Variants in SNTA1 observed in about 807,000 individuals in gnomAD.
The protein encoded by SNTA1 is syntrophin alpha 1.
A neutral mutation model predicts 47.1 loss-of-function variants in SNTA1; 31 were observed. The ratio of observed to expected loss-of-function variants is 0.66; its 90% CI spans 0.49 to 0.89. SNTA1 has a LOEUF of 0.89. Ranked by LOEUF, SNTA1 falls within the 40% of genes least tolerant of loss-of-function variation. The probability of loss-of-function intolerance (pLI) is 0.00; values close to 1 mark genes in which losing one functional copy is unlikely to be tolerated. For synonymous variants in SNTA1, 300 were observed against 313.6 expected, an observed-to-expected ratio of 0.96 and a Z score of 0.46; for missense variants, 575 against 693.0, an observed-to-expected ratio of 0.83 and a Z score of 1.91.
chr20:33,432,254 G>A lies in SNTA1; in HGVS notation c.496+6587C>T, dbSNP rs150276942. 6.1e-3 allele frequency among the ~76,000 whole-genome samples: 922 copies of A among 152,332 alleles called. 15 individuals carry two copies. The highest frequency in any genetic ancestry group is 0.022 in the African/African-American group (895 of 41,582). On this transcript the variant is annotated intron_variant, in intron 2 of 7. Coordinates refer to ENST00000217381, the MANE Select transcript of SNTA1 (RefSeq NM_003098.3). The stretch of plus-strand genomic sequence containing the variant: ...TTGACAGTGGTGATGCATCAAGCCA[G>A]ATCAAAGGCAGGACACCTGGCAGTG...
intron 2 of SNTA1, among the ~76,000 whole-genome samples, chr20:33,435,652 A>G (rs2146803229): frequency 6.6e-6 from 1 of 152,266 alleles, no homozygotes; most frequent in Middle Eastern, 3.4e-3. Flanking sequence ...ACCCTACCAC[A>G]TGGTGAGCTC....
At chr20:33,422,910 G>A (rs2146782062) in intron 2 of SNTA1, among the ~76,000 whole-genome samples, 1 of 152,210 alleles carries the variant, frequency 6.6e-6, no homozygotes, top group South Asian at 2.1e-4. Flanking sequence ...GAGGTGATCA[G>A]ATGCTCAGTC....
chr20:33,419,745 G>A (rs1382105082), intron 2 of SNTA1, among the ~76,000 whole-genome samples: 2 of 152,088 alleles, frequency 1.3e-5, no homozygotes, highest in African/African-American at 2.4e-5. Flanking sequence ...ATCTTGATTG[G>A]TCAAATCAAA....
chr20:33,427,204 G>C (rs1271030276), intron 2 of SNTA1, among the ~76,000 whole-genome samples: 1 of 152,174 alleles, frequency 6.6e-6, no homozygotes, highest in Non-Finnish European at 1.5e-5. Context: ...GCTGTTCCTA[G>C]TGTGACAGTA....
Position 33,428,000 on chromosome 20 carries a change from C to T in SNTA1, c.497-10077G>A, listed in dbSNP as rs933482915. Among the ~76,000 whole-genome samples the T allele has an allele frequency of 7.9e-5, 12 of 151,948 alleles. 1 individual carries two copies. The highest frequency in any genetic ancestry group is 6.6e-4 in the Admixed American group (10 of 15,210). ...CTGTTCACAGGTGCATCATAGTGCA[C>T]TCCGGCCTCGAATTCCTGGCCTCAA... On this transcript the variant is annotated intron_variant, in intron 2 of 7. Coordinates refer to ENST00000217381, the MANE Select transcript of SNTA1 (RefSeq NM_003098.3).
chr20:33,443,710 G>T lies in SNTA1; in HGVS notation c.-90C>A, dbSNP rs544567559. On this transcript the variant is annotated 5_prime_UTR_variant, in exon 1 of 8. Coordinates refer to ENST00000217381, the MANE Select transcript of SNTA1 (RefSeq NM_003098.3). ...CAAGCGCCCAGGGCAGAGGGCAGCGGGGGCCCGGCTGGGCCAGCCGCCACC... is the reference window on the plus strand; with the variant it reads ...CAAGCGCCCAGGGCAGAGGGCAGCGTGGGCCCGGCTGGGCCAGCCGCCACC... The T allele has an allele frequency of 1.5e-3, 1,252 of 860,946 alleles. 17 individuals are homozygous for T. The African/African-American group carries it at 0.021, about 15-fold the overall frequency. The allele number at this position is 860,946 out of a possible 1,614,324, so 53.3% of individuals were successfully genotyped here. A position where few individuals can be genotyped will look rare whatever the true frequency, so the allele number is the denominator to read the frequency against.
At chr20:33,435,041 G>A (rs1159492148) in intron 2 of SNTA1, among the ~76,000 whole-genome samples, 1 of 142,858 alleles carries the variant, frequency 7.0e-6, no homozygotes, top group African/African-American at 2.7e-5. Flanking sequence ...CGCCCAGGCT[G>A]GAGTGCAGCG....
At chr20:33,416,802 A>G (rs147233199) in intron 3 of SNTA1, among the ~76,000 whole-genome samples, 2,486 of 152,028 alleles carry the variant, frequency 0.016, 64 homozygotes, top group African/African-American at 0.056. Context: ...TTAGCCAGGC[A>G]TGGTGGCAGG....
chr20:33,419,429 G>A (rs1233828283), intron 2 of SNTA1, among the ~76,000 whole-genome samples: 1 of 152,218 alleles, frequency 6.6e-6, no homozygotes, highest in Non-Finnish European at 1.5e-5. Flanking sequence ...GCAAATGGAG[G>A]CAAATAAGAG....
chr20:33,441,467 C>A (rs564292744), intron 1 of SNTA1, among the ~76,000 whole-genome samples: 1 of 152,318 alleles, frequency 6.6e-6, no homozygotes, highest in South Asian at 2.1e-4. Flanking sequence ...TGGAACACCT[C>A]TCTTGACGCC....
intron 2 of SNTA1, among the ~76,000 whole-genome samples, chr20:33,437,800 C>A (rs1990478741): frequency 6.6e-6 from 1 of 152,242 alleles, no homozygotes; most frequent in Non-Finnish European, 1.5e-5. Flanking sequence ...AAAGCAGAAA[C>A]CTCTTGAGAG....
chr20:33,429,418 G>A (rs1035103330), intron 2 of SNTA1, among the ~76,000 whole-genome samples: 15 of 148,372 alleles, frequency 1.0e-4, no homozygotes, highest in East Asian at 4.0e-4. Context: ...TTGGGAGTCC[G>A]AGGCAGGTGG....
At chr20:33,413,976 C>T (rs919275057) in intron 3 of SNTA1, among the ~76,000 whole-genome samples, 1 of 151,902 alleles carries the variant, frequency 6.6e-6, no homozygotes, top group African/African-American at 2.4e-5. Flanking sequence ...TGATGGCTCA[C>T]GCCTGTAATC....
intron 5 of SNTA1, among the ~76,000 whole-genome samples, chr20:33,411,834 G>C (rs886371177): frequency 6.6e-6 from 1 of 152,142 alleles, no homozygotes; most frequent in African/African-American, 2.4e-5. Flanking sequence ...CTCTGCATGG[G>C]ATGCTCTTTC....
chr20:33,409,614 C>T (rs1989688402), intron 6 of SNTA1, among the ~76,000 whole-genome samples: 1 of 151,916 alleles, frequency 6.6e-6, no homozygotes, highest in East Asian at 1.9e-4. Context: ...GCACCTAGTA[C>T]CATGCCCGGC....
intron 2 of SNTA1, among the ~76,000 whole-genome samples, chr20:33,435,488 C>T (rs1990420486): frequency 1.3e-5 from 2 of 152,012 alleles, no homozygotes. Flanking sequence ...ATTCCAGCTA[C>T]AGAACTGAGG....
chr20:33,438,091 A>C (rs1366676968), intron 2 of SNTA1, among the ~76,000 whole-genome samples: 2 of 152,222 alleles, frequency 1.3e-5, no homozygotes, highest in Non-Finnish European at 2.9e-5. Context: ...ACCTAAGGCC[A>C]GGAGTTCAAG....
At chr20:33,427,537 C>G (rs1328991413) in intron 2 of SNTA1, among the ~76,000 whole-genome samples, 1 of 152,090 alleles carries the variant, frequency 6.6e-6, no homozygotes, top group Non-Finnish European at 1.5e-5. Context: ...CCAGCAGAGC[C>G]CAGGGGTTGC....
chr20:33,420,851 G>A (rs568256937), intron 2 of SNTA1, among the ~76,000 whole-genome samples: 6 of 152,024 alleles, frequency 3.9e-5, no homozygotes, highest in Non-Finnish European at 5.9e-5. Context: ...GGGCGTGGTC[G>A]TGGGCACCTG....
Sources: gnomAD v4.1 joint callset for allele counts (sites outside exome capture counted in the v4.1 genomes callset) on GRCh38, gnomAD v4.1.1 for gene constraint, MANE v1.5 for transcripts, NCBI Gene and HGNC (gene_info 2026-07-23, HGNC 2026-07-21) for gene names.